ADAMTS2: variants seen among roughly 807,000 people sequenced by gnomAD.
The protein encoded by ADAMTS2 is A disintegrin and metalloproteinase with thrombospondin motifs 2.
In ADAMTS2, 50 loss-of-function variants were observed where a neutral mutation model predicts 123.0. That is an observed-to-expected ratio of 0.41 (90% confidence interval 0.32 to 0.51). ADAMTS2 has a LOEUF of 0.51. Ranked by LOEUF, ADAMTS2 falls within the 20% of genes least tolerant of loss-of-function variation. The probability of loss-of-function intolerance (pLI) is 0.35; values close to 1 mark genes in which losing one functional copy is unlikely to be tolerated. For missense variants in ADAMTS2, 1,494 were observed against 1,705.2 expected, an observed-to-expected ratio of 0.88 and a Z score of 2.18; for synonymous variants, 678 against 695.4, an observed-to-expected ratio of 0.98 and a Z score of 0.39.
At chr5:179,138,013 G>A in intron 11 of ADAMTS2, 69 bp from the exon 12 acceptor site, 1 of 1,513,300 alleles carries the variant, frequency 6.6e-7, no homozygotes, top group Non-Finnish European at 8.9e-7. Flanking sequence ...GTGCCCTTGT[G>A]AGATCTTTTT....
chr5:179,208,214 C>A lies in ADAMTS2; in HGVS notation c.689-499G>T, dbSNP rs571341080. Among the ~76,000 whole-genome samples the A allele has an allele frequency of 4.9e-5, 3 of 61,582 alleles. No individual in the cohort carries two copies. The South Asian group carries it at 1.7e-3, about 35-fold the overall frequency. 40.4% of individuals were successfully genotyped at this position (61,582 alleles called of 152,430 possible). A position where few individuals can be genotyped will look rare whatever the true frequency, so the allele number is the denominator to read the frequency against. On this transcript the variant is annotated intron_variant, in intron 3 of 21. Coordinates refer to ENST00000251582, the MANE Select transcript of ADAMTS2 (RefSeq NM_014244.5). ...TTCTCCCCCGAAGGGCTGCCAGGTG[C>A]CAAAGGACTGGTGTCCCAGGTGTCA...
chr5:179,320,494 AT>A (rs1757137380), intron 2 of ADAMTS2, among the ~76,000 whole-genome samples: 3 of 110,616 alleles, frequency 2.7e-5, no homozygotes, highest in African/African-American at 1.1e-4. Flanking sequence ...TTTTTTTTGT[AT>A]TTTTAGTAGA....
In ADAMTS2 at chr5:179,127,977, A is replaced by G. The variant is rs372242497; in HGVS notation, c.2599T>C (p.Ser867Pro). 6.2e-7 allele frequency: 1 copy of G among 1,613,794 alleles called. No individual in the cohort carries two copies. The highest frequency in any genetic ancestry group is 8.5e-7 in the Non-Finnish European group (1 of 1,180,028). Residue 867 changes from serine to proline, a missense_variant, in exon 17 of 22, where the codon TCC becomes CCC. Ser to Pro is a moderately conservative substitution (Grantham distance 74). This residue lies in a region of ADAMTS2 where 953 missense variants were observed against 1,124.7 expected (regional missense o/e 0.85). Transcript: ENST00000251582. ...EWALKKWSPC[S>P]KPCGGGSQFT... Reference sequence around the variant, plus strand: ...CCCTCACCTCCGCCACAGGGCTTGGAGCACGGAGACCACTTCTTCAGGGCC... The same window carrying G: ...CCCTCACCTCCGCCACAGGGCTTGGGGCACGGAGACCACTTCTTCAGGGCC...
rs1007311989 is a variant in ADAMTS2 at position 179,138,557 on chromosome 5, T to C, written c.1776-613A>G. Among the ~76,000 whole-genome samples the C allele has an allele frequency of 2.0e-5, 3 of 152,246 alleles. No individual in the cohort carries two copies. The East Asian group carries it at 5.8e-4, about 29-fold the overall frequency. On this transcript the variant is annotated intron_variant, in intron 11 of 21. Transcript: ENST00000251582. ...ACAGCACCAACCCACACACTGCCTC[T>C]TGAGGTTCTAAATGCCCAGCAATCT...
chr5:179,302,487 T>G (rs548456564), intron 2 of ADAMTS2, among the ~76,000 whole-genome samples: 1 of 140,932 alleles, frequency 7.1e-6, no homozygotes, highest in East Asian at 2.2e-4. Context: ...CTCCTGGGGG[T>G]CCTCTGGACC....
chr5:179,326,265 T>C (rs985380579), intron 2 of ADAMTS2, among the ~76,000 whole-genome samples: 1 of 151,658 alleles, frequency 6.6e-6, no homozygotes, highest in African/African-American at 2.4e-5. Context: ...CCAGGAATGC[T>C]GTATTGGCGG....
chr5:179,286,326 C>T (rs1362430911), intron 2 of ADAMTS2, among the ~76,000 whole-genome samples: 17 of 152,116 alleles, frequency 1.1e-4, no homozygotes, highest in Non-Finnish European at 1.2e-4. Context: ...CCCTGCCAGC[C>T]TCCCTGCCTC....
intron 3 of ADAMTS2, among the ~76,000 whole-genome samples, chr5:179,214,563 T>G (rs1377562280): frequency 6.6e-6 from 1 of 151,354 alleles, no homozygotes; most frequent in Non-Finnish European, 1.5e-5. Context: ...TTCTTGAACA[T>G]AGGAATAACC....
In ADAMTS2 at chr5:179,228,063, G is replaced by T. The variant is rs901081723; in HGVS notation, c.689-20348C>A. ...AGCCGCGTGGGAGGAGGAGAAGGCC[G>T]TGTGGGGCGTGTTGGGCTGAGATTT... On this transcript the variant is annotated intron_variant, in intron 3 of 21. Coordinates refer to ENST00000251582, the MANE Select transcript of ADAMTS2 (RefSeq NM_014244.5). The surrounding 1 kb of genome is among the most constrained non-coding windows in gnomAD (Gnocchi z 5.2). Among the ~76,000 whole-genome samples, 1 of 152,168 alleles carries T rather than the reference G, an allele frequency of 6.6e-6. No individual in the cohort carries two copies. The highest frequency in any genetic ancestry group is 1.5e-5 in the Non-Finnish European group (1 of 68,012).
intron 3 of ADAMTS2, among the ~76,000 whole-genome samples, chr5:179,208,885 C>T (rs1764783820): frequency 6.6e-6 from 1 of 152,188 alleles, no homozygotes; most frequent in Non-Finnish European, 1.5e-5. Flanking sequence ...GTCATCGTGA[C>T]ATCACTGACC....
At chr5:179,300,002 G>T (rs1756468604) in intron 2 of ADAMTS2, among the ~76,000 whole-genome samples, 1 of 150,132 alleles carries the variant, frequency 6.7e-6, no homozygotes, top group Non-Finnish European at 1.5e-5. Flanking sequence ...GCTGAGGCAG[G>T]AGAATCACTT....
intron 3 of ADAMTS2, among the ~76,000 whole-genome samples, chr5:179,231,828 T>A (rs1765417272): frequency 6.7e-6 from 1 of 150,198 alleles, no homozygotes; most frequent in Non-Finnish European, 1.5e-5. Context: ...GGGGGTAGGA[T>A]CACTTGAGTA....
At chr5:179,127,904 C>T (rs1762886824) in intron 17 of ADAMTS2, 55 bp downstream of exon 17, 1 of 1,609,128 alleles carries the variant, frequency 6.2e-7, no homozygotes, top group Non-Finnish European at 8.5e-7. Flanking sequence ...ATGCTCCCTA[C>T]CTTCTCGTGG....
In ADAMTS2 at chr5:179,207,732, C is replaced by G; in HGVS notation, c.689-17G>C. 6.2e-7 allele frequency: 1 copy of G among 1,607,156 alleles called. No homozygotes were observed. The highest frequency in any genetic ancestry group is 8.5e-7 in the Non-Finnish European group (1 of 1,179,666). ...GGGAGGCCCCTGCAAGGAGAGGACA[C>G]CGTCTTCAGCGGCAGGGCAAACCCA... On this transcript the variant is annotated splice_polypyrimidine_tract_variant and intron_variant, in intron 3 of 21. Transcript: ENST00000251582.
At chr5:179,146,013 C>T (rs193205956) in intron 10 of ADAMTS2, among the ~76,000 whole-genome samples, 26 of 152,242 alleles carry the variant, frequency 1.7e-4, no homozygotes, top group Admixed American at 8.5e-4. Flanking sequence ...CCACAAGGCC[C>T]AGCTAATTTT....
intron 2 of ADAMTS2, among the ~76,000 whole-genome samples, chr5:179,274,433 G>A (rs560448362): frequency 3.5e-4 from 54 of 152,194 alleles, no homozygotes; most frequent in Non-Finnish European, 7.3e-4. Flanking sequence ...AGCACCCATC[G>A]ACACTCCAGC....
chr5:179,209,593 G>GGC (rs1561807048), intron 3 of ADAMTS2, among the ~76,000 whole-genome samples: 2 of 127,962 alleles, frequency 1.6e-5, no homozygotes, highest in African/African-American at 6.2e-5. Context: ...TACACACACA[G>GGC]GCACACACAC....
chr5:179,249,163 A>G (rs1765866209), intron 3 of ADAMTS2, among the ~76,000 whole-genome samples: 1 of 152,156 alleles, frequency 6.6e-6, no homozygotes, highest in African/African-American at 2.4e-5. Context: ...ATATGTTACA[A>G]GATAAATTAG....
intron 3 of ADAMTS2, among the ~76,000 whole-genome samples, chr5:179,251,457 T>C (rs1232593989): frequency 1.3e-5 from 2 of 152,146 alleles, no homozygotes; most frequent in Non-Finnish European, 2.9e-5. Context: ...CTGAGGGGTC[T>C]GCAGATGAGA....
Sources: gnomAD v4.1 joint callset for allele counts (sites outside exome capture counted in the v4.1 genomes callset) on GRCh38, gnomAD v4.1.1 for gene constraint, gnomAD v4.1.1 regional missense constraint, Gnocchi (gnomAD v3.1) non-coding constraint, MANE v1.5 for transcripts, NCBI Gene and HGNC (gene_info 2026-07-23, HGNC 2026-07-21) for gene names.